Variants in CNST observed in about 807,000 individuals in gnomAD.
CNST encodes the protein consortin.
CNST carries 39 observed loss-of-function variants against 72.4 expected under a neutral mutation model. That is an observed-to-expected ratio of 0.54 (90% CI 0.42 to 0.70). CNST has a LOEUF of 0.70. CNST is among the 30% of genes least tolerant of loss of function. The pLI, the probability that CNST is intolerant of heterozygous loss-of-function variation, is 0.00. For synonymous variants in CNST, 332 were observed against 320.1 expected (o/e 1.04, Z -0.40); for missense variants, 871 against 868.5 (o/e 1.00, Z -0.04).
intron 6 of CNST, among the ~76,000 whole-genome samples, chr1:246,637,027 T>A (rs12741150): frequency 0.28 from 42,250 of 152,090 alleles, 6,626 homozygotes; most frequent in East Asian, 0.67. Context: ...CAGCATCGGA[T>A]TGGGTAGATA....
At chr1:246,635,440 C>T (rs1407948820) in intron 6 of CNST, among the ~76,000 whole-genome samples, 1 of 151,920 alleles carries the variant, frequency 6.6e-6, no homozygotes, top group African/African-American at 2.4e-5. Context: ...AACCACCCTC[C>T]TAGAAGGTTT....
chr1:246,596,989 C>T (rs1661932144), intron 2 of CNST, among the ~76,000 whole-genome samples: 1 of 152,096 alleles, frequency 6.6e-6, no homozygotes, highest in Admixed American at 6.6e-5. Flanking sequence ...GGGTTCTTTC[C>T]ACTTTTTGAC....
At chr1:246,610,315 C>T (rs1415647196) in intron 2 of CNST, among the ~76,000 whole-genome samples, 1 of 152,088 alleles carries the variant, frequency 6.6e-6, no homozygotes, top group Non-Finnish European at 1.5e-5. Context: ...CCTCCCCATT[C>T]TTTTTTATAT....
chr1:246,574,972 T>TTTTATTTATTTA (rs150720392), intron 1 of CNST, among the ~76,000 whole-genome samples: 27,361 of 143,406 alleles, frequency 0.19, 3,222 homozygotes, highest in East Asian at 0.43. Flanking sequence ...TCCTCAAGTA[T>TTTTATTTATTTA]TTTATTTATT....
intron 10 of CNST, among the ~76,000 whole-genome samples, chr1:246,665,224 A>G (rs1667340255): frequency 6.6e-6 from 1 of 151,400 alleles, no homozygotes; most frequent in Admixed American, 6.6e-5. Context: ...TAAAAAATAA[A>G]TAGCCAGGCA....
intron 4 of CNST, among the ~76,000 whole-genome samples, chr1:246,633,389 C>T (rs934427597): frequency 1.3e-4 from 19 of 148,920 alleles, no homozygotes; most frequent in Admixed American, 9.4e-4. Flanking sequence ...GGGGAGGTTG[C>T]AATAAGCCAA....
intron 9 of CNST, among the ~76,000 whole-genome samples, chr1:246,654,210 C>T (rs1480206457): frequency 4.6e-5 from 7 of 152,228 alleles, no homozygotes; most frequent in African/African-American, 1.7e-4. Flanking sequence ...CGTAGTCAGA[C>T]TGGCCCCCTC....
intron 8 of CNST, among the ~76,000 whole-genome samples, chr1:246,642,729 T>C (rs1665790753): frequency 6.9e-6 from 1 of 145,492 alleles, no homozygotes. Context: ...TATATATTTC[T>C]AGGCTTTATG....
rs570806772 is a variant in CNST at position 246,578,161 on chromosome 1, C to CA, written c.-52+11499dup. On this transcript the variant is annotated intron_variant, in intron 1 of 10. Coordinates refer to ENST00000366513, the MANE Select transcript of CNST (RefSeq NM_152609.3). ...AGGATTGTAAAAGAAGTAATGGGCA[C>CA]ATTCTCCTGCTGCAAGCATTCAAGC... 4.7e-4 allele frequency among the ~76,000 whole-genome samples: 71 copies of CA among 152,172 alleles called. 1 individual carries two copies. The highest frequency in any genetic ancestry group is 1.7e-3 in the African/African-American group (69 of 41,426).
At chr1:246,640,984 G>C (rs986205599) in intron 6 of CNST, among the ~76,000 whole-genome samples, 2 of 152,036 alleles carry the variant, frequency 1.3e-5, no homozygotes, top group African/African-American at 4.8e-5. Flanking sequence ...TGCCAACTTC[G>C]TACCCACCCA....
intron 10 of CNST, among the ~76,000 whole-genome samples, chr1:246,664,705 C>G (rs528451939): frequency 6.6e-6 from 1 of 152,116 alleles, no homozygotes. Context: ...GGATTACAGG[C>G]GTGAGCCACC....
intron 9 of CNST, among the ~76,000 whole-genome samples, chr1:246,659,322 C>T (rs558819857): frequency 1.9e-3 from 295 of 152,292 alleles, no homozygotes; most frequent in Middle Eastern, 0.017. Flanking sequence ...AGGCCGGGTG[C>T]GGTGGCTCAC....
intron 1 of CNST, among the ~76,000 whole-genome samples, chr1:246,583,841 C>T (rs1454082425): frequency 1.3e-5 from 2 of 152,156 alleles, no homozygotes; most frequent in Non-Finnish European, 2.9e-5. Flanking sequence ...GCATCGTGTT[C>T]CCATTCAAAG....
intron 2 of CNST, chr1:246,607,167 G>GC (rs1308506487): frequency 6.6e-6 from 1 of 151,846 alleles, no homozygotes; most frequent in Non-Finnish European, 1.5e-5. Context: ...GGATATGCAC[G>GC]CCGTCCCTCT....
At chr1:246,662,028 C>T (rs1055319612) in intron 10 of CNST, among the ~76,000 whole-genome samples, 1 of 152,258 alleles carries the variant, frequency 6.6e-6, no homozygotes, top group Non-Finnish European at 1.5e-5. Context: ...GTAGCCACCT[C>T]ATCTTAAACT....
intron 3 of CNST, among the ~76,000 whole-genome samples, chr1:246,627,465 C>T (rs972550863): frequency 4.6e-5 from 7 of 152,130 alleles, no homozygotes; most frequent in African/African-American, 1.7e-4. Flanking sequence ...TGATGTGCTC[C>T]AGCAAAACAA....
chr1:246,605,572 T>C (rs1485370647), intron 2 of CNST, among the ~76,000 whole-genome samples: 1 of 152,090 alleles, frequency 6.6e-6, no homozygotes, highest in Non-Finnish European at 1.5e-5. Context: ...TACAGTCTCC[T>C]GTAAACAGGA....
intron 2 of CNST, chr1:246,606,355 A>G (rs1237226718): frequency 1.3e-5 from 2 of 152,004 alleles, no homozygotes; most frequent in Non-Finnish European, 2.9e-5. Context: ...CCAGGTTTGG[A>G]CTGGTACACG....
chr1:246,608,940 A>G (rs1249117732), intron 2 of CNST, among the ~76,000 whole-genome samples: 6 of 152,200 alleles, frequency 3.9e-5, no homozygotes, highest in African/African-American at 2.4e-5. Context: ...ACCTTTTGCC[A>G]TTAGTTTACA....
Sources: gnomAD v4.1 joint callset for allele counts (sites outside exome capture counted in the v4.1 genomes callset) on GRCh38, gnomAD v4.1.1 for gene constraint, MANE v1.5 for transcripts, NCBI Gene and HGNC (gene_info 2026-07-23, HGNC 2026-07-21) for gene names.